DPP6: variants seen among roughly 807,000 people sequenced by gnomAD.
DPP6 encodes dipeptidyl peptidase like 6.
In DPP6, 69 loss-of-function variants were observed where a neutral mutation model predicts 122.6. The ratio of observed to expected loss-of-function variants is 0.56; its 90% CI spans 0.46 to 0.69. The LOEUF (loss-of-function observed/expected upper bound fraction) is 0.69, where lower values mean the gene tolerates loss of function less well. Among genes scored for constraint, DPP6 ranks in the 30% least tolerant of loss-of-function variants. DPP6 has a pLI of 0.00. For missense variants in DPP6, 928 were observed against 1,116.9 expected, an observed-to-expected ratio of 0.83 and a Z score of 2.41; for synonymous variants, 418 against 433.1, an observed-to-expected ratio of 0.97 and a Z score of 0.43.
At chr7:154,837,763 G>A (rs1187195072) in intron 16 of DPP6, among the ~76,000 whole-genome samples, 1 of 152,144 alleles carries the variant, frequency 6.6e-6, no homozygotes, top group Non-Finnish European at 1.5e-5. Flanking sequence ...TTCCACAGCT[G>A]GTATGGAGGG....
Position 154,481,972 on chromosome 7 carries a change from G to A in DPP6, c.457+6935G>A, listed in dbSNP as rs1158700884. Among the ~76,000 whole-genome samples, 5 of 152,330 alleles carry A rather than the reference G, an allele frequency of 3.3e-5. No individual in the cohort carries two copies. Among genetic ancestry groups the A allele is most frequent in the Non-Finnish European group, 5.9e-5 (4 of 68,032 alleles). The stretch of plus-strand genomic sequence containing the variant: ...AAGTCCCCAGTTTGTGGCCGTCCAC[G>A]AAGACTTCTTGGGCATTTTCTCATT... On this transcript the variant is annotated intron_variant, in intron 3 of 25. Transcript: ENST00000377770. This position sits in a 1 kb window ranked among gnomAD's most constrained non-coding sequence, Gnocchi z 4.2.
the DPP6 span, among the ~76,000 whole-genome samples, chr7:153,853,597 G>A: frequency 6.6e-6 from 1 of 152,092 alleles, no homozygotes; most frequent in African/African-American, 2.4e-5. Context: ...TGGATGGAAG[G>A]CCATCCCATC....
chr7:154,815,849 A>G (rs1172499774), intron 16 of DPP6, among the ~76,000 whole-genome samples: 2 of 152,198 alleles, frequency 1.3e-5, no homozygotes, highest in African/African-American at 4.8e-5. Flanking sequence ...TCTTAGACTT[A>G]GCAGATTGGT....
chr7:154,793,725 G>A (rs1423819057), intron 10 of DPP6: 2 of 172,546 alleles, frequency 1.2e-5, no homozygotes, highest in Non-Finnish European at 2.5e-5. Flanking sequence ...TTAGTTGTGC[G>A]TTTGCCTGGT....
In DPP6 at chr7:154,241,863, T is replaced by C. The variant is rs1801641994; in HGVS notation, c.243+188800T>C. Among the ~76,000 whole-genome samples, 1 of 152,230 alleles carries C rather than the reference T, an allele frequency of 6.6e-6. No homozygotes were observed. The highest frequency in any genetic ancestry group is 2.1e-4 in the South Asian group (1 of 4,836). ...CATAGCCCTGTGTCATCTCTGCTTT[T>C]CCACCCACCCCTACCCCAACACTCA... On this transcript the variant is annotated intron_variant, in intron 1 of 25. Coordinates refer to ENST00000377770, the MANE Select transcript of DPP6 (RefSeq NM_130797.4). This position sits in a 1 kb window ranked among gnomAD's most constrained non-coding sequence, Gnocchi z 9.0.
At chr7:154,502,618 T>A (rs775871579) in intron 3 of DPP6, among the ~76,000 whole-genome samples, 2 of 152,182 alleles carry the variant, frequency 1.3e-5, no homozygotes, top group Non-Finnish European at 2.9e-5. Flanking sequence ...CCCAGCCACA[T>A]GGAACTGTAA....
chr7:154,050,278 C>G (rs1800234006), upstream of DPP6, among the ~76,000 whole-genome samples: 3 of 152,182 alleles, frequency 2.0e-5, no homozygotes, highest in Admixed American at 2.0e-4. Context: ...CAGTTACCTA[C>G]AATGCCTTGA....
Position 154,265,063 on chromosome 7 carries a change from G to A in DPP6, c.244-181151G>A, listed in dbSNP as rs62650447. Among the ~76,000 whole-genome samples, 2 of 98,688 alleles carry A rather than the reference G, an allele frequency of 2.0e-5. 1 individual carries two copies. Among genetic ancestry groups the A allele is most frequent in the Admixed American group, 2.1e-4 (2 of 9,656 alleles). The allele number at this position is 98,688 out of a possible 152,430, so 64.7% of individuals were successfully genotyped here. The stretch of plus-strand genomic sequence containing the variant: ...TGGTGATAATGATGGTGATCATGAT[G>A]GTGTTAATGGTGATGATGATGGTGA... On this transcript the variant is annotated intron_variant, in intron 1 of 25. Coordinates refer to ENST00000377770, the MANE Select transcript of DPP6 (RefSeq NM_130797.4).
chr7:154,080,712 TC>T (rs1367642651), intron 1 of DPP6, among the ~76,000 whole-genome samples: 2 of 152,192 alleles, frequency 1.3e-5, no homozygotes, highest in Non-Finnish European at 2.9e-5. Context: ...ATAAGGCAGA[TC>T]TTTTCCCATT....
intron 5 of DPP6, among the ~76,000 whole-genome samples, chr7:154,623,410 C>A (rs1834824374): frequency 6.6e-6 from 1 of 152,142 alleles, no homozygotes; most frequent in Non-Finnish European, 1.5e-5. Flanking sequence ...GGGGCGGTGC[C>A]TTTTGCTGCG....
intron 1 of DPP6, among the ~76,000 whole-genome samples, chr7:154,289,823 C>A (rs540530631): frequency 5.4e-4 from 82 of 152,230 alleles, no homozygotes; most frequent in African/African-American, 1.9e-3. Context: ...GCAGTCCTGG[C>A]GTTATGCCAT....
the DPP6 span, among the ~76,000 whole-genome samples, chr7:153,807,515 A>T: frequency 1.3e-5 from 2 of 152,030 alleles, no homozygotes; most frequent in African/African-American, 4.8e-5. Context: ...AATGCAAGGC[A>T]TCGTAGAAAA....
At chr7:153,982,332 C>T (rs113861115) in intron 1 of DPP6, among the ~76,000 whole-genome samples, 2 of 151,700 alleles carry the variant, frequency 1.3e-5, no homozygotes, top group African/African-American at 4.8e-5. Context: ...TGCTTGATTG[C>T]TTCAGCTATT....
chr7:154,845,097 T>A (rs1801842444), intron 16 of DPP6, among the ~76,000 whole-genome samples: 1 of 152,228 alleles, frequency 6.6e-6, no homozygotes, highest in Non-Finnish European at 1.5e-5. Flanking sequence ...CACCTTGATA[T>A]GTCATAGCCA....
intron 10 of DPP6, among the ~76,000 whole-genome samples, chr7:154,791,595 A>G (rs550551389): frequency 6.6e-6 from 1 of 152,212 alleles, no homozygotes; most frequent in African/African-American, 2.4e-5. Flanking sequence ...TGCCGGGGGG[A>G]CATGGCCAAA....
chr7:154,398,815 C>T (rs960589658), intron 1 of DPP6, among the ~76,000 whole-genome samples: 1 of 152,162 alleles, frequency 6.6e-6, no homozygotes, highest in Non-Finnish European at 1.5e-5. Flanking sequence ...TTCTATCTAT[C>T]TCAGACGTTC....
In DPP6 at chr7:154,272,477, A is replaced by G. The variant is rs953058924; in HGVS notation, c.244-173737A>G. Among the ~76,000 whole-genome samples the G allele has an allele frequency of 2.2e-4, 33 of 152,336 alleles. 1 individual carries two copies. The highest frequency in any genetic ancestry group is 7.7e-4 in the African/African-American group (32 of 41,572). ...ATGAAGGTGGCATTACCAGTACTGT[A>G]CTTGCTACTAAAATTTCACCTAAAG... is the stretch of plus-strand genomic sequence containing the variant. On this transcript the variant is annotated intron_variant, in intron 1 of 25. Transcript: ENST00000377770.
rs1436546559 is a variant in DPP6 at position 154,821,357 on chromosome 7, C to T, written c.1666+14245C>T. Among the ~76,000 whole-genome samples, 3 of 151,968 alleles carry T rather than the reference C, an allele frequency of 2.0e-5. No individual in the cohort carries two copies. In the East Asian group the frequency reaches 5.8e-4, roughly 29 times the overall value. ...ATTTTTATCTGTGCATTCATATCAT[C>T]CTTATCTGCCTTCAGTCCTTTTTGC... On this transcript the variant is annotated intron_variant, in intron 16 of 25. Coordinates refer to ENST00000377770, the MANE Select transcript of DPP6 (RefSeq NM_130797.4). This position sits in a 1 kb window ranked among gnomAD's most constrained non-coding sequence, Gnocchi z 4.2.
chr7:154,007,880 A>C (rs1305537116), intron 1 of DPP6, among the ~76,000 whole-genome samples: 2 of 152,056 alleles, frequency 1.3e-5, no homozygotes, highest in Non-Finnish European at 2.9e-5. Context: ...GAGTGTGGTC[A>C]TGCTACAGAT....
Sources: gnomAD v4.1 joint callset for allele counts (sites outside exome capture counted in the v4.1 genomes callset) on GRCh38, gnomAD v4.1.1 for gene constraint, Gnocchi (gnomAD v3.1) non-coding constraint, MANE v1.5 for transcripts, NCBI Gene and HGNC (gene_info 2026-07-23, HGNC 2026-07-21) for gene names.